Variants in MYO1G observed in about 807,000 individuals in gnomAD.
The protein encoded by MYO1G is unconventional myosin-Ig.
In MYO1G, 65 loss-of-function variants were observed where a neutral mutation model predicts 115.3. That is an observed-to-expected ratio of 0.56 (90% CI 0.46 to 0.69). MYO1G has a LOEUF of 0.69. Ranked by LOEUF, MYO1G falls within the 30% of genes least tolerant of loss-of-function variation. The pLI, the probability that MYO1G is intolerant of heterozygous loss-of-function variation, is 0.00. For missense variants in MYO1G, 1,204 were observed against 1,393.5 expected (o/e 0.86, Z 2.16); for synonymous variants, 510 against 552.6 (o/e 0.92, Z 1.08).
chr7:44,974,876 G>A (rs545932657), intron 5 of MYO1G: 23 of 471,880 alleles, frequency 4.9e-5, no homozygotes, highest in East Asian at 2.0e-4. Context: ...AGCCCACCTC[G>A]TGGGGAGCTT....
intron 9 of MYO1G, 45 bp downstream of exon 9, chr7:44,970,547 G>A: frequency 6.2e-7 from 1 of 1,610,566 alleles, no homozygotes; most frequent in Middle Eastern, 1.7e-4. Context: ...AGTGGGCAAA[G>A]CTGCTGGGTG....
At chr7:44,972,514 C>T (rs940092510) in intron 5 of MYO1G, 5 of 408,646 alleles carry the variant, frequency 1.2e-5, no homozygotes, top group Non-Finnish European at 1.9e-5. Flanking sequence ...GGAGACATTG[C>T]CCTCGACCCA....
rs1467686445 is a variant in MYO1G at position 44,969,890 on chromosome 7, GC to G, written c.1333-16del. 1 of 1,595,680 alleles carries G rather than the reference GC, an allele frequency of 6.3e-7. No homozygotes were observed. Among genetic ancestry groups the G allele is most frequent in the East Asian group, 2.2e-5 (1 of 44,690 alleles). On this transcript the variant is annotated splice_polypyrimidine_tract_variant and intron_variant, in intron 10 of 21. Transcript: ENST00000258787. This position sits in a 1 kb window ranked among gnomAD's most constrained non-coding sequence, Gnocchi z 5.0. ...AAATACTCAACCTGGGGCAAAGGCAGCCAGCAAGGAAGCTCCCAAGGTCTTT... is the reference window on the plus strand; with the variant it reads ...AAATACTCAACCTGGGGCAAAGGCAGCAGCAAGGAAGCTCCCAAGGTCTTT...
At position 44,971,770 on chromosome 7, in the gene MYO1G, T is replaced by G; in HGVS notation, c.749A>C (p.Gln250Pro). 1 of 1,555,814 alleles carries G rather than the reference T, an allele frequency of 6.4e-7. No individual in the cohort carries two copies. Among genetic ancestry groups the G allele is most frequent in the Non-Finnish European group, 8.7e-7 (1 of 1,148,996 alleles). ...TVHSALDSDEQSHQAVTEAMR... is the reference protein window; with the variant it reads ...TVHSALDSDEPSHQAVTEAMR... ...GGCCTCGGTCACTGCCTGGTGGCTCTGCTCATCACTGTCCAAGGCCTAGGG... is the reference window on the plus strand; with the variant it reads ...GGCCTCGGTCACTGCCTGGTGGCTCGGCTCATCACTGTCCAAGGCCTAGGG... Residue 250 changes from glutamine to proline, a missense_variant, in exon 7 of 22, where the codon CAG becomes CCG. Gln to Pro is a moderately conservative substitution (Grantham distance 76). Transcript: ENST00000258787.
intron 9 of MYO1G, 106 bp downstream of exon 9, chr7:44,970,486 A>G: frequency 6.8e-7 from 1 of 1,473,692 alleles, no homozygotes; most frequent in African/African-American, 1.4e-5. Context: ...ACCAGCCGGG[A>G]GAAACCCCAA....
intron 4 of MYO1G, 120 bp downstream of exon 4, chr7:44,975,364 G>T: frequency 6.7e-7 from 1 of 1,501,854 alleles, no homozygotes; most frequent in Non-Finnish European, 9.2e-7. Context: ...CCAGAGAAGG[G>T]CCACAGGGAG....
At position 44,965,061 on chromosome 7, in the gene MYO1G, T is replaced by G; in HGVS notation, c.2410A>C (p.Ile804Leu). ...ATCTGGGGCATGTCTGAAGGGGGGA[T>G]GTTCTTCACCAGCTGCCGGGCCCGC... ...RWRARQLVKN[I>L]PPSDMPQIKA... Residue 804 changes from isoleucine to leucine, a missense_variant, in exon 18 of 22, where the codon ATC (isoleucine) becomes CTC (leucine). Physicochemically the swap from Ile to Leu is conservative, Grantham distance 5. Coordinates refer to ENST00000258787, the MANE Select transcript of MYO1G (RefSeq NM_033054.3). The G allele has an allele frequency of 6.2e-7, 1 of 1,609,412 alleles. No individual in the cohort carries two copies. The highest frequency in any genetic ancestry group is 8.5e-7 in the Non-Finnish European group (1 of 1,176,934).
At position 44,963,137 on chromosome 7, in the gene MYO1G, C is replaced by CG. The variant is rs758136726; in HGVS notation, c.2746-14dup. The CG allele has an allele frequency of 2.1e-6, 3 of 1,441,582 alleles. No individual in the cohort carries two copies. The Admixed American group carries it at 8.1e-5, about 39-fold the overall frequency. The allele number at this position is 1,441,582 out of a possible 1,614,324, so 89.3% of individuals were successfully genotyped here. ...TCAGCCCCGTCACCTGAGCGGAGCG[C>CG]GGGGTCAGAGTGCAGCCGCCTCAAC... On this transcript the variant is annotated splice_polypyrimidine_tract_variant and intron_variant, in intron 20 of 21. Transcript: ENST00000258787. This position sits in a 1 kb window ranked among gnomAD's most constrained non-coding sequence, Gnocchi z 4.1.
Position 44,970,961 on chromosome 7 carries a change from C to G in MYO1G, c.945G>C (p.Thr315=), listed in dbSNP as rs146177111. Residue 315 remains threonine, a synonymous_variant, in exon 8 of 22, where the codon ACG becomes ACC. Coordinates refer to ENST00000258787, the MANE Select transcript of MYO1G (RefSeq NM_033054.3). ...GGAGCACGAGGTCCCGGGGTGTGGC[C>G]GTCAGCTCAGCCACATGGTCCACCA... The part of the protein sequence containing the change: ...EALVDHVAEL[T]ATPRDLVLRS... 1.9e-6 allele frequency: 3 copies of G among 1,613,322 alleles called. No homozygotes were observed. Among genetic ancestry groups the G allele is most frequent in the Non-Finnish European group, 1.7e-6 (2 of 1,179,996 alleles).
chr7:44,963,923 G>A lies in MYO1G; in HGVS notation c.2745+126C>T, dbSNP rs183918053. 23 of 766,256 alleles carry A rather than the reference G, an allele frequency of 3.0e-5. 1 individual carries two copies. The Admixed American group carries it at 3.8e-4, about 12-fold the overall frequency. The allele number at this position is 766,256 out of a possible 1,614,324, so 47.5% of individuals were successfully genotyped here. On this transcript the variant is annotated intron_variant, in intron 20 of 21. Transcript: ENST00000258787. This position sits in a 1 kb window ranked among gnomAD's most constrained non-coding sequence, Gnocchi z 4.1. ...GATTTTCAGCACGGGTGCCACCATC[G>A]CTGAGTTTTAGGATGGTCTGGGCCA...
In MYO1G at chr7:44,977,086, G is replaced by C; in HGVS notation, c.96-15C>G. 2 of 1,611,448 alleles carry C rather than the reference G, an allele frequency of 1.2e-6. No individual in the cohort carries two copies. Among genetic ancestry groups the C allele is most frequent in the South Asian group, 2.2e-5 (2 of 90,962 alleles). ...CCTTCTCGAACCTGGACACAGCAGGGGTAGGCCTCAGCACTCACAGGCTTA... is the reference window on the plus strand; with the variant it reads ...CCTTCTCGAACCTGGACACAGCAGGCGTAGGCCTCAGCACTCACAGGCTTA... On this transcript the variant is annotated splice_polypyrimidine_tract_variant and intron_variant, in intron 1 of 21. Transcript: ENST00000258787.
rs1583790185 is a variant in MYO1G at position 44,970,162 on chromosome 7, T to G, written c.1218-8A>C. 6.2e-7 allele frequency: 1 copy of G among 1,601,698 alleles called. No homozygotes were observed. Among genetic ancestry groups the G allele is most frequent in the South Asian group, 1.1e-5 (1 of 90,702 alleles). On this transcript the variant is annotated splice_polypyrimidine_tract_variant and splice_region_variant and intron_variant, in intron 9 of 21. Transcript: ENST00000258787. The stretch of plus-strand genomic sequence containing the variant: ...ATGCAGAACTGCTCGAAACTGGGGG[T>G]GGGGTGGGCCTTTCAGAGGGGAGGT...
intron 1 of MYO1G, among the ~76,000 whole-genome samples, chr7:44,977,314 C>T (rs867054491): frequency 1.3e-5 from 2 of 152,182 alleles, no homozygotes; most frequent in African/African-American, 4.8e-5. Flanking sequence ...ACAGTGGTCT[C>T]CCCAGGGATC....
chr7:44,965,516 C>T, intron 17 of MYO1G, 121 bp downstream of exon 17: 1 of 942,138 alleles, frequency 1.1e-6, no homozygotes, highest in Non-Finnish European at 1.6e-6. Context: ...TAGCATCCAC[C>T]TTCCCACCTA....
chr7:44,969,986 C>T lies in MYO1G; in HGVS notation c.1332+54G>A, dbSNP rs1458902781. On this transcript the variant is annotated intron_variant, in intron 10 of 21. Transcript: ENST00000258787. This position sits in a 1 kb window ranked among gnomAD's most constrained non-coding sequence, Gnocchi z 5.0. Reference sequence around the variant, plus strand: ...GCCAGCCCGGGCCCCTCCCCATGGGCTGAGGCCCCTCCACACCCCACTGCC... The same window carrying T: ...GCCAGCCCGGGCCCCTCCCCATGGGTTGAGGCCCCTCCACACCCCACTGCC... 1.3e-6 allele frequency: 2 copies of T among 1,596,814 alleles called. No individual in the cohort carries two copies. Among genetic ancestry groups the T allele is most frequent in the African/African-American group, 1.3e-5 (1 of 74,664 alleles).
chr7:44,969,398 G>A lies in MYO1G; in HGVS notation c.1574+15C>T, dbSNP rs140813123. On this transcript the variant is annotated intron_variant, in intron 12 of 21. Coordinates refer to ENST00000258787, the MANE Select transcript of MYO1G (RefSeq NM_033054.3). This position sits in a 1 kb window ranked among gnomAD's most constrained non-coding sequence, Gnocchi z 5.0. ...TGTGGGAAAGCCAGGGATGTGGGTG[G>A]GAGGGGGCCCTTACGTGACGTCCCC... The A allele has an allele frequency of 3.8e-3, 6,069 of 1,613,196 alleles. 16 individuals carry two copies. The highest frequency in any genetic ancestry group is 4.6e-3 in the Non-Finnish European group (5,453 of 1,179,582).
Position 44,962,710 on chromosome 7 carries a change from C to T in MYO1G, c.*29G>A, listed in dbSNP as rs747117697. On this transcript the variant is annotated 3_prime_UTR_variant, in exon 22 of 22. Transcript: ENST00000258787. This position sits in a 1 kb window ranked among gnomAD's most constrained non-coding sequence, Gnocchi z 5.3. Reference sequence around the variant, plus strand: ...CAGCGCTGGCGGGGCGGACAATTGGCGGCCTCGGGGTGCGGCGGGTGCGGG... The same window carrying T: ...CAGCGCTGGCGGGGCGGACAATTGGTGGCCTCGGGGTGCGGCGGGTGCGGG... 10 of 1,454,438 alleles carry T rather than the reference C, an allele frequency of 6.9e-6. No individual in the cohort carries two copies. The Admixed American group carries it at 2.0e-4, about 30-fold the overall frequency. The allele number at this position is 1,454,438 out of a possible 1,614,324, so 90.1% of individuals were successfully genotyped here. A position where few individuals can be genotyped will look rare whatever the true frequency, so the allele number is the denominator to read the frequency against.
chr7:44,970,451 G>T, intron 9 of MYO1G, 141 bp downstream of exon 9: 1 of 1,097,412 alleles, frequency 9.1e-7, no homozygotes, highest in Non-Finnish European at 1.3e-6. Flanking sequence ...GGCAGGTTTG[G>T]GAGGCATGAG....
chr7:44,974,776 GT>G (rs1455803360), intron 5 of MYO1G: 1 of 249,970 alleles, frequency 4.0e-6, no homozygotes, highest in Non-Finnish European at 8.1e-6. Flanking sequence ...TCTCACAGAG[GT>G]GCTCAGAGTC....
Sources: gnomAD v4.1 joint callset for allele counts (sites outside exome capture counted in the v4.1 genomes callset) on GRCh38, gnomAD v4.1.1 for gene constraint, Gnocchi (gnomAD v3.1) non-coding constraint, MANE v1.5 for transcripts, NCBI Gene and HGNC (gene_info 2026-07-23, HGNC 2026-07-21) for gene names.